The following SESN2 variants were observed in gnomAD, a reference collection of about 807,000 sequenced individuals.
The protein encoded by SESN2 is sestrin-2.
In SESN2, 42 loss-of-function variants were observed where a neutral mutation model predicts 56.0. That is an observed-to-expected ratio of 0.75 (90% CI 0.59 to 0.97). The LOEUF is 0.97. Ranked by LOEUF, SESN2 falls within the 50% of genes least tolerant of loss-of-function variation. SESN2 has a pLI of 0.00. For missense variants in SESN2, 507 were observed against 649.4 expected (o/e 0.78, Z 2.38); for synonymous variants, 264 against 267.1 (o/e 0.99, Z 0.11).
chr1:28,271,836 T>G lies in SESN2; in HGVS notation c.319T>G (p.Leu107Val). 6.2e-7 allele frequency: 1 copy of G among 1,614,214 alleles called. No homozygotes were observed. Among genetic ancestry groups the G allele is most frequent in the Non-Finnish European group, 8.5e-7 (1 of 1,180,036 alleles). Reference protein sequence around the residue: ...HYLLLHTDGPLASSWRHYIAI... With the variant: ...HYLLLHTDGPVASSWRHYIAI... ...CCTGCTGCTGCACACGGATGGTCCC[T>G]TGGCCAGCTCCTGGCGCCACTACAT... The change falls in exon 3 of 10, where the codon TTG (leucine) becomes GTG (valine). Residue 107 changes from leucine (L) to valine (V), a missense_variant. Leu to Val is a conservative substitution (Grantham distance 32). Coordinates refer to ENST00000253063, the MANE Select transcript of SESN2 (RefSeq NM_031459.5).
chr1:28,259,698 A>C lies in SESN2; in HGVS notation c.-150A>C, dbSNP rs1414975647. The C allele has an allele frequency of 5.5e-6, 3 of 546,938 alleles. No homozygotes were observed. The allele number at this position is 546,938 out of a possible 1,614,324, so 33.9% of individuals were successfully genotyped here. ...CCAGCACCAAAGCGGCCGTTCTCGG[A>C]TTCCGGAGCGTTCTGGAGCCCCGAG... On this transcript the variant is annotated 5_prime_UTR_variant, in exon 1 of 10. Transcript: ENST00000253063.
Position 28,273,490 on chromosome 1 carries a change from C to G in SESN2, c.883C>G (p.Leu295Val). The stretch of plus-strand genomic sequence containing the variant: ...CTTTGAGCTGGAGAAGTCAGAGAGC[C>G]TGCTGGTGACCCCCTCAGGTACAGG... Reference protein sequence around the residue: ...SRFELEKSESLLVTPSADILE... With the variant: ...SRFELEKSESVLVTPSADILE... The change falls in exon 6 of 10, where the codon CTG becomes GTG. Residue 295 changes from leucine to valine, a missense_variant. Coordinates refer to ENST00000253063, the MANE Select transcript of SESN2 (RefSeq NM_031459.5). 2 of 1,608,218 alleles carry G rather than the reference C, an allele frequency of 1.2e-6. No individual in the cohort carries two copies. The highest frequency in any genetic ancestry group is 1.7e-6 in the Non-Finnish European group (2 of 1,177,824).
Position 28,274,173 on chromosome 1 carries a change from A to G in SESN2, c.1020+15A>G, listed in dbSNP as rs2149039413. 6.6e-7 allele frequency: 1 copy of G among 1,515,156 alleles called. No homozygotes were observed. The highest frequency in any genetic ancestry group is 9.2e-7 in the Non-Finnish European group (1 of 1,089,692). 93.9% of individuals were successfully genotyped at this position (1,515,156 alleles called of 1,614,324 possible). A position where few individuals can be genotyped will look rare whatever the true frequency, so the allele number is the denominator to read the frequency against. On this transcript the variant is annotated intron_variant, in intron 7 of 9. Coordinates refer to ENST00000253063, the MANE Select transcript of SESN2 (RefSeq NM_031459.5). ...TCCGGGCCCAGGTAGGGCTCTCTCT[A>G]CTAGTCTTGGCCATTGCTCCACATT...
At chr1:28,266,380 T>C (rs781208066) in intron 1 of SESN2, among the ~76,000 whole-genome samples, 6 of 152,294 alleles carry the variant, frequency 3.9e-5, no homozygotes, top group South Asian at 4.1e-4. Flanking sequence ...CTTATTGTTA[T>C]GGAGGTATTG....
chr1:28,271,900 G>A (rs754288469), intron 3 of SESN2, 29 bp downstream of exon 3: 11 of 1,609,338 alleles, frequency 6.8e-6, no homozygotes, highest in Non-Finnish European at 9.4e-6. Context: ...GACACTTGGA[G>A]AGGTGGCTTT....
At chr1:28,262,368 T>G (rs912224519) in intron 1 of SESN2, among the ~76,000 whole-genome samples, 1 of 152,136 alleles carries the variant, frequency 6.6e-6, no homozygotes, top group East Asian at 1.9e-4. Flanking sequence ...CTCGGCCAGA[T>G]GCAGTGGCTC....
In SESN2 at chr1:28,274,997, A is replaced by G. The variant is rs761605302; in HGVS notation, c.1193A>G (p.His398Arg). ...CGCAGGGCCATCTGGAACTATATCCACTGCGTCTTTGGCATCAGGTGAGCT... is the reference window on the plus strand; with the variant it reads ...CGCAGGGCCATCTGGAACTATATCCGCTGCGTCTTTGGCATCAGGTGAGCT... ...VLRRAIWNYI[H>R]CVFGIRYDDY... The change falls in exon 8 of 10, where the codon CAC (histidine) becomes CGC (arginine). Residue 398 changes from histidine to arginine, a missense_variant. His to Arg is a conservative substitution (Grantham distance 29). Coordinates refer to ENST00000253063, the MANE Select transcript of SESN2 (RefSeq NM_031459.5). 1.9e-6 allele frequency: 3 copies of G among 1,613,386 alleles called. No individual in the cohort carries two copies. The highest frequency in any genetic ancestry group is 2.5e-6 in the Non-Finnish European group (3 of 1,179,426).
At chr1:28,263,793 C>A (rs1367000308) in intron 1 of SESN2, among the ~76,000 whole-genome samples, 5 of 152,148 alleles carry the variant, frequency 3.3e-5, no homozygotes, top group Non-Finnish European at 7.4e-5. Flanking sequence ...TACTTGTCAG[C>A]TGGTGCCTAA....
intron 1 of SESN2, among the ~76,000 whole-genome samples, chr1:28,260,627 G>A (rs1017481215): frequency 1.2e-4 from 19 of 152,318 alleles, no homozygotes; most frequent in Admixed American, 3.9e-4. Context: ...GCTGCGCCCT[G>A]CTAAGTAAGT....
chr1:28,277,028 C>T (rs1211308850), intron 8 of SESN2, among the ~76,000 whole-genome samples: 1 of 151,654 alleles, frequency 6.6e-6, no homozygotes, highest in African/African-American at 2.4e-5. Flanking sequence ...CTGCCTCAGC[C>T]TCCTGAGTAC....
chr1:28,279,001 A>C, intron 8 of SESN2, 96 bp from the exon 9 acceptor site: 1 of 1,234,654 alleles, frequency 8.1e-7, no homozygotes, highest in South Asian at 1.3e-5. Context: ...GATTTTTCTC[A>C]ACACTCTGTT....
At chr1:28,271,283 T>C (rs1232333951) in intron 2 of SESN2, among the ~76,000 whole-genome samples, 2 of 152,224 alleles carry the variant, frequency 1.3e-5, no homozygotes, top group Non-Finnish European at 2.9e-5. Context: ...CCCATGGTTA[T>C]ATGCATTTGC....
chr1:28,266,674 C>T (rs554458090), intron 1 of SESN2, among the ~76,000 whole-genome samples: 246 of 151,714 alleles, frequency 1.6e-3, no homozygotes, highest in Non-Finnish European at 2.6e-3. Context: ...GTCCTCCTGC[C>T]TCAGCCTCCT....
At chr1:28,273,963 C>T in intron 6 of SESN2, 77 bp from the exon 7 acceptor site, 4 of 978,718 alleles carry the variant, frequency 4.1e-6, no homozygotes, top group Non-Finnish European at 3.3e-6. Context: ...TCCCCTCCCC[C>T]TTTTGGTGAT....
At chr1:28,260,129 C>T (rs570018029) in intron 1 of SESN2, among the ~76,000 whole-genome samples, 192 bp downstream of exon 1, 31 of 148,856 alleles carry the variant, frequency 2.1e-4, no homozygotes, top group Admixed American at 5.3e-4. Context: ...TCCCCTCTCC[C>T]TCCTTCTCCC....
In SESN2 at chr1:28,273,427, C is replaced by T. The variant is rs148305939; in HGVS notation, c.820C>T (p.Arg274Trp). The T allele has an allele frequency of 2.3e-4, 366 of 1,611,138 alleles. No individual in the cohort carries two copies. The highest frequency in any genetic ancestry group is 2.7e-4 in the Non-Finnish European group (317 of 1,179,210). ...RMQQLQESLL[R>W]DEGTSQEEME... ...GCAGCAGCTGCAGGAGAGCCTGCTG[C>T]GGGATGAGGGGACGTCCCAGGAGGA... The change falls in exon 6 of 10, where the codon CGG becomes TGG. Residue 274 changes from arginine to tryptophan, a missense_variant. Transcript: ENST00000253063.
intron 2 of SESN2, among the ~76,000 whole-genome samples, chr1:28,270,148 G>T (rs1453882770): frequency 6.6e-6 from 1 of 152,084 alleles, no homozygotes; most frequent in African/African-American, 2.4e-5. Context: ...TCAGGAGATC[G>T]AGACCATCCT....
At chr1:28,279,649 G>T (rs1260203908) in intron 9 of SESN2, among the ~76,000 whole-genome samples, 1 of 151,908 alleles carries the variant, frequency 6.6e-6, no homozygotes, top group East Asian at 1.9e-4. Context: ...AAGTTCAAGC[G>T]ATTCTCCTGC....
At position 28,263,639 on chromosome 1, in the gene SESN2, G is replaced by A. The variant is rs1490496511; in HGVS notation, c.90+3702G>A. Among the ~76,000 whole-genome samples, 7 of 152,000 alleles carry A rather than the reference G, an allele frequency of 4.6e-5. No homozygotes were observed. In the South Asian group the frequency reaches 6.2e-4, roughly 13 times the overall value. ...AAGTCTGGGGCTTCTCCAAGAAGCC[G>A]ATATGGGTAGTAGACAGAACCCTTG... On this transcript the variant is annotated intron_variant, in intron 1 of 9. Coordinates refer to ENST00000253063, the MANE Select transcript of SESN2 (RefSeq NM_031459.5).
Sources: allele counts gnomAD v4.1 joint callset (sites outside exome capture counted in the v4.1 genomes callset), GRCh38; gene constraint gnomAD v4.1.1; transcripts MANE v1.5; gene names NCBI Gene and HGNC (gene_info 2026-07-23, HGNC 2026-07-21).